Variants in ZSWIM8 observed in about 807,000 individuals in gnomAD.
ZSWIM8 encodes zinc finger SWIM-type containing 8, also known as zinc finger SWIM domain-containing protein 8.
A neutral mutation model predicts 173.7 loss-of-function variants in ZSWIM8; 27 were observed. That is an observed-to-expected ratio of 0.16 (90% CI 0.11 to 0.21). The LOEUF is 0.21. ZSWIM8 is among the 10% of genes least tolerant of loss of function. The pLI is 1.00. For synonymous variants in ZSWIM8, 958 were observed against 962.0 expected (o/e 1.00, Z 0.08); for missense variants, 1,627 against 2,428.8 (o/e 0.67, Z 6.94).
rs180873222 is a variant in ZSWIM8, at chr10:73,788,610, G to A, written c.209-60G>A. The A allele has an allele frequency of 2.5e-5, 40 of 1,584,096 alleles. No homozygotes were observed. The East Asian group carries it at 7.4e-4, about 29-fold the overall frequency. ...TGTTGTACTGGCATGAGTGCCAAGAGACCATGGCCCTTTTCATTTCCTATT... is the reference window on the plus strand; with the variant it reads ...TGTTGTACTGGCATGAGTGCCAAGAAACCATGGCCCTTTTCATTTCCTATT... On this transcript the variant is annotated intron_variant, in intron 1 of 25. Transcript: ENST00000604729.
rs753738015 is a variant in ZSWIM8, at chr10:73,800,794, C to A, written c.5122+35C>A. The A allele has an allele frequency of 1.9e-5, 28 of 1,478,498 alleles. No individual in the cohort carries two copies. In the East Asian group the frequency reaches 2.5e-4, roughly 13 times the overall value. The allele number at this position is 1,478,498 out of a possible 1,614,324, so 91.6% of individuals were successfully genotyped here. A position where few individuals can be genotyped will look rare whatever the true frequency, so the allele number is the denominator to read the frequency against. Reference sequence around the variant, plus strand: ...CCCCTCCCTAGGACCATTGCCCCCCCCCCACCTGCTCTCCCCACCTTCCTT... The same window carrying A: ...CCCCTCCCTAGGACCATTGCCCCCCACCCACCTGCTCTCCCCACCTTCCTT... On this transcript the variant is annotated intron_variant, in intron 24 of 25. Coordinates refer to ENST00000604729, the MANE Select transcript of ZSWIM8 (RefSeq NM_001367799.1). The surrounding 1 kb of genome is among the most constrained non-coding windows in gnomAD (Gnocchi z 4.1).
rs181929079 is a variant in ZSWIM8, at chr10:73,800,402, C to T, written c.4932C>T (p.Pro1644=). 8.5e-4 allele frequency: 1,377 copies of T among 1,613,840 alleles called. 21 individuals carry two copies. In the Admixed American group the frequency reaches 0.022, roughly 26 times the overall value. ...SPLVSGGFPP[P]EEETHSQPVN... is the part of the protein sequence containing the mutation. ...TGGTGAGCGGAGGTTTTCCACCGCC[C>T]GAGGAGGAGACACACAGTCAGCCAG... The change falls in exon 23 of 26, where the codon CCC becomes CCT. Residue 1644 remains proline, a synonymous_variant. Transcript: ENST00000604729. This position sits in a 1 kb window ranked among gnomAD's most constrained non-coding sequence, Gnocchi z 4.1.
chr10:73,795,663 G>C lies in ZSWIM8; in HGVS notation c.3033G>C (p.Lys1011Asn). ...TYKDDQAKLK[K>N]ILDKLLDRES... ...AGGACGACCAGGCCAAGCTTAAGAA[G>C]GTAAGAGACTGGGGCTGGGTGCGGT... is the stretch of plus-strand genomic sequence containing the variant. The change falls in exon 15 of 26, where the codon AAG becomes AAC. Residue 1011 changes from lysine (K) to asparagine (N), a missense_variant and splice_region_variant. By Grantham distance (94) the Lys-to-Asn change is moderately conservative. This residue lies in a region of ZSWIM8 where 163 missense variants were observed against 193.2 expected (regional missense o/e 0.84). Transcript: ENST00000604729. The C allele has an allele frequency of 6.2e-7, 1 of 1,611,962 alleles. No homozygotes were observed. The highest frequency in any genetic ancestry group is 8.5e-7 in the Non-Finnish European group (1 of 1,179,630).
chr10:73,792,312 T>C lies in ZSWIM8; in HGVS notation c.1773T>C (p.Ala591=), dbSNP rs2083445272. 1 of 1,612,716 alleles carries C rather than the reference T, an allele frequency of 6.2e-7. No individual in the cohort carries two copies. The highest frequency in any genetic ancestry group is 1.7e-5 in the Admixed American group (1 of 59,968). ...GCAAAGCCAAGGCACTGGGTGGGGC[T>C]GGCAGTGGGAGCAAGGGCTCAGCAG... ...GGGKAKALGG[A]GSGSKGSAGG... Residue 591 remains alanine, a synonymous_variant, in exon 10 of 26, where the codon GCT becomes GCC. Coordinates refer to ENST00000604729, the MANE Select transcript of ZSWIM8 (RefSeq NM_001367799.1). The surrounding 1 kb of genome is among the most constrained non-coding windows in gnomAD (Gnocchi z 4.3).
chr10:73,786,072 G>T lies in ZSWIM8; in HGVS notation c.194G>T (p.Gly65Val). Residue 65 changes from glycine to valine, a missense_variant, in exon 1 of 26, where the codon GGT (glycine) becomes GTT (valine). Around this residue, in one of 18 missense-constraint regions of ZSWIM8, gnomAD observed 60 missense variants for 93.9 expected, o/e 0.64. Coordinates refer to ENST00000604729, the MANE Select transcript of ZSWIM8 (RefSeq NM_001367799.1). ...GGCGGTGGCGGAGGTGGCAGTGGCG[G>T]TACCAGAATGCGAGGTGAGAGTGAG... ...TGGGGGGGSG[G>V]TRMRDGLVIP... The T allele has an allele frequency of 6.3e-7, 1 of 1,580,362 alleles. No individual in the cohort carries two copies. Among genetic ancestry groups the T allele is most frequent in the Non-Finnish European group, 8.6e-7 (1 of 1,162,036 alleles).
At chr10:73,788,529 C>G in intron 1 of ZSWIM8, 141 bp from the exon 2 acceptor site, 1 of 1,039,398 alleles carries the variant, frequency 9.6e-7, no homozygotes, top group Non-Finnish European at 1.4e-6. Context: ...TAGGGGGATC[C>G]CTAGGACTTT....
chr10:73,796,242 G>A (rs746905447), intron 15 of ZSWIM8: 12 of 223,184 alleles, frequency 5.4e-5, no homozygotes, highest in Admixed American at 1.6e-4. Context: ...CCAGCTACTC[G>A]GGAGGCTGAG....
Position 73,785,729 on chromosome 10 carries a change from A to G in ZSWIM8, c.-150A>G, listed in dbSNP as rs750891382. 6.3e-6 allele frequency: 5 copies of G among 795,030 alleles called. No individual in the cohort carries two copies. The South Asian group carries it at 7.5e-5, about 12-fold the overall frequency. 49.2% of individuals were successfully genotyped at this position (795,030 alleles called of 1,614,324 possible). On this transcript the variant is annotated 5_prime_UTR_variant, in exon 1 of 26. Coordinates refer to ENST00000604729, the MANE Select transcript of ZSWIM8 (RefSeq NM_001367799.1). ...CGGTCCCGTCTCTTTCCCAGGCCTG[A>G]GATTCTCGCCCGGCACGGCCGCCCT...
chr10:73,797,069 C>T lies in ZSWIM8; in HGVS notation c.3275-44C>T, dbSNP rs763599584. The T allele has an allele frequency of 5.8e-5, 94 of 1,612,436 alleles. 1 individual carries two copies. The South Asian group carries it at 8.7e-4, about 15-fold the overall frequency. ...GAATGGTGTGGACCTATGTTGAGGT[C>T]CCCTTTCCTGGGCTCATCCCAGCGT... is the stretch of plus-strand genomic sequence containing the variant. On this transcript the variant is annotated intron_variant, in intron 16 of 25. Transcript: ENST00000604729. The surrounding 1 kb of genome is among the most constrained non-coding windows in gnomAD (Gnocchi z 5.6).
At chr10:73,790,360 CCTTT>C in intron 7 of ZSWIM8, 68 bp downstream of exon 7, 1 of 1,531,714 alleles carries the variant, frequency 6.5e-7, no homozygotes. Context: ...GATGACAGAT[CCTTT>C]CTTCTATTCA....
At chr10:73,786,347 C>A (rs181008434) in intron 1 of ZSWIM8, 3 of 273,252 alleles carry the variant, frequency 1.1e-5, no homozygotes, top group Non-Finnish European at 2.0e-5. Flanking sequence ...TGTGTGTGTG[C>A]GCGCGCGCGC....
At position 73,791,626 on chromosome 10, in the gene ZSWIM8, A is replaced by C; in HGVS notation, c.1319+127A>C. The C allele has an allele frequency of 8.3e-7, 1 of 1,207,044 alleles. No individual in the cohort carries two copies. Among genetic ancestry groups the C allele is most frequent in the Non-Finnish European group, 1.1e-6 (1 of 890,124 alleles). The allele number at this position is 1,207,044 out of a possible 1,614,324, so 74.8% of individuals were successfully genotyped here. The stretch of plus-strand genomic sequence containing the variant: ...CCTCGGGAAACGGGAGGTGCTGAGC[A>C]CTGGTGTTAGCAGTGATTTACGAGT... On this transcript the variant is annotated intron_variant, in intron 9 of 25. Coordinates refer to ENST00000604729, the MANE Select transcript of ZSWIM8 (RefSeq NM_001367799.1). The surrounding 1 kb of genome is among the most constrained non-coding windows in gnomAD (Gnocchi z 6.0).
Position 73,796,774 on chromosome 10 carries a change from A to G in ZSWIM8, c.3034A>G (p.Ile1012Val). Residue 1012 changes from isoleucine (I) to valine (V), a missense_variant and splice_region_variant, in exon 16 of 26, where the codon ATC (isoleucine) becomes GTC (valine). Coordinates refer to ENST00000604729, the MANE Select transcript of ZSWIM8 (RefSeq NM_001367799.1). ...YKDDQAKLKKILDKLLDRESQ... is the reference protein window; with the variant it reads ...YKDDQAKLKKVLDKLLDRESQ... ...GGAGGTCACTGCTTCTGTCTTCCAGATCTTAGACAAACTCTTGGACCGAGA... is the reference window on the plus strand; with the variant it reads ...GGAGGTCACTGCTTCTGTCTTCCAGGTCTTAGACAAACTCTTGGACCGAGA... 6.2e-7 allele frequency: 1 copy of G among 1,612,782 alleles called. No homozygotes were observed. The highest frequency in any genetic ancestry group is 1.7e-5 in the Admixed American group (1 of 60,026).
rs760743925 is a variant in ZSWIM8, at chr10:73,798,427, C to T, written c.4150C>T (p.Arg1384Trp). The T allele has an allele frequency of 1.9e-6, 3 of 1,613,914 alleles. No individual in the cohort carries two copies. Among genetic ancestry groups the T allele is most frequent in the Non-Finnish European group, 2.5e-6 (3 of 1,179,866 alleles). The change falls in exon 20 of 26, where the codon CGG becomes TGG. Residue 1384 changes from arginine to tryptophan, a missense_variant. This residue lies in a region of ZSWIM8 where 95 missense variants were observed against 271.3 expected (regional missense o/e 0.35). Coordinates refer to ENST00000604729, the MANE Select transcript of ZSWIM8 (RefSeq NM_001367799.1). ...TGCATTGAACCCTAATGAGATCCAG[C>T]GGGCCCTGGTGCAGTGCAAGGAACA... ...AHALNPNEIQRALVQCKEQDN... is the reference protein window; with the variant it reads ...AHALNPNEIQWALVQCKEQDN...
In ZSWIM8 at chr10:73,800,175, G is replaced by C. The variant is rs375687240; in HGVS notation, c.4825+5G>C. 2 of 1,613,438 alleles carry C rather than the reference G, an allele frequency of 1.2e-6. No homozygotes were observed. Among genetic ancestry groups the C allele is most frequent in the African/African-American group, 2.7e-5 (2 of 74,918 alleles). ...CACTGCCCACCAGTGTGGCCTGTGA[G>C]TTGTGGGGCCAGGGAACAGGTGAAT... On this transcript the variant is annotated splice_donor_5th_base_variant and intron_variant, in intron 22 of 25. Coordinates refer to ENST00000604729, the MANE Select transcript of ZSWIM8 (RefSeq NM_001367799.1). This position sits in a 1 kb window ranked among gnomAD's most constrained non-coding sequence, Gnocchi z 4.1.
intron 20 of ZSWIM8, 109 bp downstream of exon 20, chr10:73,798,562 G>A: frequency 9.8e-7 from 1 of 1,023,608 alleles, no homozygotes; most frequent in Non-Finnish European, 1.4e-6. Flanking sequence ...GGAGTTTACA[G>A]ATGATTGTTG....
chr10:73,794,050 AG>A lies in ZSWIM8; in HGVS notation c.2625+8del. 1.2e-6 allele frequency: 2 copies of A among 1,612,426 alleles called. No homozygotes were observed. Among genetic ancestry groups the A allele is most frequent in the Non-Finnish European group, 1.7e-6 (2 of 1,179,172 alleles). On this transcript the variant is annotated splice_region_variant and intron_variant, in intron 12 of 25. Transcript: ENST00000604729. ...CTTCTACCAAGGCCTTGGAGGTCAG[AG>A]GCTCCATCTCAGCCTTGTATTTCAG... is the stretch of plus-strand genomic sequence containing the variant.
rs1353047756 is a variant in ZSWIM8 at position 73,794,242 on chromosome 10, G to C, written c.2721G>C (p.Glu907Asp). 1.2e-6 allele frequency: 2 copies of C among 1,614,028 alleles called. No individual in the cohort carries two copies. The highest frequency in any genetic ancestry group is 3.3e-5 in the Admixed American group (2 of 60,018). ...SEMSTMRCRA[E>D]ELREGTLCDY... ...TGAGTACCATGCGGTGCCGGGCAGA[G>C]GAACTTCGGGAGGGGACACTCTGTG... The change falls in exon 13 of 26, where the codon GAG becomes GAC. Residue 907 changes from glutamate to aspartate, a missense_variant. Glu to Asp is a conservative substitution (Grantham distance 45). This residue lies in a region of ZSWIM8 where 169 missense variants were observed against 235.3 expected (regional missense o/e 0.72). Coordinates refer to ENST00000604729, the MANE Select transcript of ZSWIM8 (RefSeq NM_001367799.1).
intron 14 of ZSWIM8, 30 bp downstream of exon 14, chr10:73,794,669 C>G: frequency 6.5e-7 from 1 of 1,533,242 alleles, no homozygotes; most frequent in Non-Finnish European, 8.8e-7. Context: ...ACGAGCTAAG[C>G]CTGGTTCAGG....
Sources: allele counts gnomAD v4.1 joint callset, GRCh38; gene constraint gnomAD v4.1.1; regional missense constraint gnomAD v4.1.1; non-coding constraint Gnocchi (gnomAD v3.1); transcripts MANE v1.5; gene names NCBI Gene and HGNC (gene_info 2026-07-23, HGNC 2026-07-21).